CCDC85A: variants seen among roughly 807,000 people sequenced by gnomAD.
The protein encoded by CCDC85A is coiled-coil domain-containing protein 85A.
Under a neutral mutation model 50.2 loss-of-function variants are expected in CCDC85A, and 38 were observed. That is an observed-to-expected ratio of 0.76 (90% CI 0.58 to 0.99). The LOEUF is 0.99. Among genes scored for constraint, CCDC85A ranks in the 50% least tolerant of loss-of-function variants. The pLI, the probability that CCDC85A is intolerant of heterozygous loss-of-function variation, is 0.00. For missense variants in CCDC85A, 820 were observed against 742.0 expected (o/e 1.11, Z -1.22); for synonymous variants, 366 against 301.4 (o/e 1.21, Z -2.22).
Position 56,184,823 on chromosome 2 carries a change from A to T in CCDC85A, c.199A>T (p.Met67Leu). ...CGCCGAGGCGGAGAAGGTGAGCGCG[A>T]TGCTGGACCACAGCAACCTCATCCG... ...RRAEAEKVSA[M>L]LDHSNLIREV... The change falls in exon 1 of 6, where the codon ATG becomes TTG. Residue 67 changes from methionine (M) to leucine (L), a missense_variant. Coordinates refer to ENST00000407595, the MANE Select transcript of CCDC85A (RefSeq NM_001080433.2). 5.8e-6 allele frequency: 9 copies of T among 1,544,748 alleles called. No homozygotes were observed. Among genetic ancestry groups the T allele is most frequent in the Non-Finnish European group, 7.9e-6 (9 of 1,145,766 alleles).
intron 2 of CCDC85A, among the ~76,000 whole-genome samples, chr2:56,299,802 G>C (rs1201471088): frequency 1.3e-5 from 2 of 152,146 alleles, no homozygotes; most frequent in African/African-American, 4.8e-5. Context: ...CCCTGCCACT[G>C]TCCTCAGGAA....
chr2:56,249,418 T>A (rs1421467636), intron 2 of CCDC85A, among the ~76,000 whole-genome samples: 2 of 152,222 alleles, frequency 1.3e-5, no homozygotes, highest in Non-Finnish European at 2.9e-5. Flanking sequence ...TGCAGCCTCC[T>A]GGAGTACAGA....
intron 2 of CCDC85A, among the ~76,000 whole-genome samples, chr2:56,217,271 C>G (rs1441179329): frequency 2.6e-5 from 4 of 151,920 alleles, no homozygotes; most frequent in African/African-American, 9.7e-5. Flanking sequence ...CTCTTCGTCT[C>G]CCTAATCATT....
chr2:56,290,276 T>C (rs1019250658), intron 2 of CCDC85A, among the ~76,000 whole-genome samples: 6 of 152,224 alleles, frequency 3.9e-5, no homozygotes, highest in Non-Finnish European at 8.8e-5. Flanking sequence ...AGGTGTAACA[T>C]TTTTGCTAAT....
chr2:56,331,065 A>G (rs900345535), intron 2 of CCDC85A, among the ~76,000 whole-genome samples: 1 of 152,218 alleles, frequency 6.6e-6, no homozygotes, highest in African/African-American at 2.4e-5. Flanking sequence ...GAATGAAATC[A>G]TGTCTTTTGC....
rs1160592626 is a variant in CCDC85A, at chr2:56,192,813, C to T, written c.613C>T (p.Arg205Trp). The part of the protein sequence containing the change: ...QLTASTAPYV[R>W]DVGDGSSTSS... ...CACAGCCTCCACCGCACCCTACGTG[C>T]GGGATGTGGGTGACGGCAGCAGCAC... The change falls in exon 2 of 6, where the codon CGG becomes TGG. Residue 205 changes from arginine to tryptophan, a missense_variant. By Grantham distance (101) the Arg-to-Trp change is moderately radical (BLOSUM62 -3). Transcript: ENST00000407595. The surrounding 1 kb of genome is among the most constrained non-coding windows in gnomAD (Gnocchi z 4.7). 1.9e-6 allele frequency: 3 copies of T among 1,613,356 alleles called. No individual in the cohort carries two copies. Among genetic ancestry groups the T allele is most frequent in the African/African-American group, 2.7e-5 (2 of 75,032 alleles).
In CCDC85A at chr2:56,384,896, A is replaced by G. The variant is rs1676756100; in HGVS notation, c.*541A>G. ...AATTCCTAATGCATAATTAATTTGG[A>G]TGCAAGATAAGATTAAGTTTCTGGA... On this transcript the variant is annotated 3_prime_UTR_variant, in exon 6 of 6. Coordinates refer to ENST00000407595, the MANE Select transcript of CCDC85A (RefSeq NM_001080433.2). 1 of 152,580 alleles carries G rather than the reference A, an allele frequency of 6.6e-6. No homozygotes were observed. The highest frequency in any genetic ancestry group is 1.5e-5 in the Non-Finnish European group (1 of 68,056). 9.5% of individuals were successfully genotyped at this position (152,580 alleles called of 1,614,324 possible). A position where few individuals can be genotyped will look rare whatever the true frequency, so the allele number is the denominator to read the frequency against.
At position 56,193,411 on chromosome 2, in the gene CCDC85A, A is replaced by T; in HGVS notation, c.1211A>T (p.His404Leu). ...RRQAQEDGSPHHRNVYSGMNE... is the reference protein window; with the variant it reads ...RRQAQEDGSPLHRNVYSGMNE... ...CAGGCACAGGAGGACGGGTCACCCC[A>T]TCACCGGAATGTCTACAGTGGCATG... Residue 404 changes from histidine to leucine, a missense_variant, in exon 2 of 6, where the codon CAT (histidine) becomes CTT (leucine). By Grantham distance (99) the His-to-Leu change is moderately conservative. Coordinates refer to ENST00000407595, the MANE Select transcript of CCDC85A (RefSeq NM_001080433.2). 1 of 1,609,744 alleles carries T rather than the reference A, an allele frequency of 6.2e-7. No individual in the cohort carries two copies. Among genetic ancestry groups the T allele is most frequent in the Non-Finnish European group, 8.5e-7 (1 of 1,178,134 alleles).
At chr2:56,361,589 C>G (rs1025074932) in intron 3 of CCDC85A, among the ~76,000 whole-genome samples, 6 of 151,986 alleles carry the variant, frequency 3.9e-5, no homozygotes, top group Non-Finnish European at 7.3e-5. Flanking sequence ...TCTGAGGAGA[C>G]TTGAATAAAG....
intron 2 of CCDC85A, among the ~76,000 whole-genome samples, chr2:56,245,103 A>G (rs1025380515): frequency 2.0e-5 from 3 of 152,194 alleles, no homozygotes; most frequent in African/African-American, 4.8e-5. Flanking sequence ...GTGCCCCACA[A>G]GTCCACTGGC....
chr2:56,265,875 A>G (rs1178503144), intron 2 of CCDC85A, among the ~76,000 whole-genome samples: 2 of 152,212 alleles, frequency 1.3e-5, no homozygotes, highest in Non-Finnish European at 2.9e-5. Context: ...CATAGTAGCT[A>G]AAATATGGAA....
chr2:56,234,511 A>G (rs182054791), intron 2 of CCDC85A, among the ~76,000 whole-genome samples: 7 of 152,194 alleles, frequency 4.6e-5, no homozygotes, highest in Non-Finnish European at 8.8e-5. Context: ...ATTAAAAAAA[A>G]TTAAACCACC....
At chr2:56,241,524 T>A (rs1227885639) in intron 2 of CCDC85A, among the ~76,000 whole-genome samples, 2 of 152,080 alleles carry the variant, frequency 1.3e-5, no homozygotes, top group Non-Finnish European at 2.9e-5. Context: ...TTCTATTCTG[T>A]GTCTCCATGA....
At position 56,184,665 on chromosome 2, in the gene CCDC85A, C is replaced by CGGCGGA. The variant is rs1362607236; in HGVS notation, c.42_47dup (p.Ala15_Glu16dup). 7.7e-5 allele frequency: 112 copies of CGGCGGA among 1,457,594 alleles called. No homozygotes were observed. The highest frequency in any genetic ancestry group is 9.1e-5 in the Non-Finnish European group (102 of 1,117,264). The allele number at this position is 1,457,594 out of a possible 1,614,324, so 90.3% of individuals were successfully genotyped here. A position where few individuals can be genotyped will look rare whatever the true frequency, so the allele number is the denominator to read the frequency against. ...GGAGGCGCGGCGGCGGCTGCGGCGG[C>CGGCGGA]GGCGGAAAGTTGTTCCCCAGCCCCG... On this transcript the variant is annotated inframe_insertion, in exon 1 of 6. Coordinates refer to ENST00000407595, the MANE Select transcript of CCDC85A (RefSeq NM_001080433.2).
At chr2:56,365,659 A>T (rs760097853) in intron 3 of CCDC85A, among the ~76,000 whole-genome samples, 1 of 152,198 alleles carries the variant, frequency 6.6e-6, no homozygotes, top group African/African-American at 2.4e-5. Context: ...ATAAAATTAC[A>T]TCTTTACTGT....
In CCDC85A at chr2:56,184,000, C is replaced by A; in HGVS notation, c.-625C>A. On this transcript the variant is annotated 5_prime_UTR_variant, in exon 1 of 6. Coordinates refer to ENST00000407595, the MANE Select transcript of CCDC85A (RefSeq NM_001080433.2). The stretch of plus-strand genomic sequence containing the variant: ...CCCCACCCTCCACCCCTTCTCGACT[C>A]CGCTCTGCAAATCGAAGGCTTTCCG... 1 of 985,662 alleles carries A rather than the reference C, an allele frequency of 1.0e-6. No homozygotes were observed. Among genetic ancestry groups the A allele is most frequent in the Non-Finnish European group, 1.2e-6 (1 of 830,152 alleles). The allele number at this position is 985,662 out of a possible 1,614,324, so 61.1% of individuals were successfully genotyped here.
intron 2 of CCDC85A, among the ~76,000 whole-genome samples, chr2:56,263,790 C>T (rs1670319003): frequency 6.6e-6 from 1 of 152,158 alleles, no homozygotes. Context: ...CCTTCCCAGA[C>T]TTCTTTGCTT....
intron 2 of CCDC85A, among the ~76,000 whole-genome samples, chr2:56,242,698 C>T (rs1364581810): frequency 6.6e-6 from 1 of 152,102 alleles, no homozygotes; most frequent in Non-Finnish European, 1.5e-5. Flanking sequence ...CAAATATTTT[C>T]TCCCATTCTA....
chr2:56,270,941 G>A lies in CCDC85A; in HGVS notation c.1241-71938G>A, dbSNP rs1573142857. The stretch of plus-strand genomic sequence containing the variant: ...CTTTTCTGTTTCATGCATTGTGTTA[G>A]TTACTAGTTGCTGTATTATTTCATC... On this transcript the variant is annotated intron_variant, in intron 2 of 5. Coordinates refer to ENST00000407595, the MANE Select transcript of CCDC85A (RefSeq NM_001080433.2). Among the ~76,000 whole-genome samples the A allele has an allele frequency of 2.0e-5, 3 of 152,282 alleles. No individual in the cohort carries two copies. The South Asian group carries it at 6.2e-4, about 32-fold the overall frequency.
Sources: allele counts gnomAD v4.1 joint callset (sites outside exome capture counted in the v4.1 genomes callset), GRCh38; gene constraint gnomAD v4.1.1; non-coding constraint Gnocchi (gnomAD v3.1); transcripts MANE v1.5; gene names NCBI Gene and HGNC (gene_info 2026-07-23, HGNC 2026-07-21).